The following MATN2 variants were observed in gnomAD, a reference collection of about 807,000 sequenced individuals.
MATN2 encodes the protein matrilin 2, also known as matrilin-2.
A neutral mutation model predicts 103.2 loss-of-function variants in MATN2; 69 were observed. That is an observed-to-expected ratio of 0.67 (90% CI 0.55 to 0.82). MATN2 has a LOEUF of 0.82. MATN2 is among the 40% of genes least tolerant of loss of function. MATN2 has a pLI of 0.00. For synonymous variants in MATN2, 429 were observed against 450.2 expected (o/e 0.95, Z 0.60); for missense variants, 1,023 against 1,211.5 (o/e 0.84, Z 2.31).
intron 1 of MATN2, among the ~76,000 whole-genome samples, chr8:97,874,050 G>C (rs1326242411): frequency 6.6e-6 from 1 of 152,156 alleles, no homozygotes; most frequent in Non-Finnish European, 1.5e-5. Flanking sequence ...CTCATGTCCA[G>C]AGCAAGATCT....
At chr8:97,959,024 T>A (rs1398548368) in intron 4 of MATN2, among the ~76,000 whole-genome samples, 1 of 152,182 alleles carries the variant, frequency 6.6e-6, no homozygotes, top group African/African-American at 2.4e-5. Flanking sequence ...TGCCAGCCTT[T>A]CCCAGTCCTT....
chr8:97,980,742 A>G (rs1811993504), intron 6 of MATN2, among the ~76,000 whole-genome samples: 1 of 151,018 alleles, frequency 6.6e-6, no homozygotes, highest in Non-Finnish European at 1.5e-5. Context: ...TTTTTTTGGT[A>G]TTTTTTGATA....
chr8:98,004,950 G>T (rs182079672), intron 8 of MATN2, among the ~76,000 whole-genome samples: 1 of 152,242 alleles, frequency 6.6e-6, no homozygotes, highest in Admixed American at 6.5e-5. Flanking sequence ...CTTGGCATGC[G>T]GGAGAGGGGG....
intron 6 of MATN2, among the ~76,000 whole-genome samples, chr8:97,979,797 T>C (rs549345055): frequency 6.6e-6 from 1 of 152,262 alleles, no homozygotes; most frequent in East Asian, 1.9e-4. Context: ...CTCAGAGACA[T>C]GCATCAGTGA....
Position 97,989,910 on chromosome 8 carries a change from G to A in MATN2, c.1082-4570G>A, listed in dbSNP as rs142135028. On this transcript the variant is annotated intron_variant, in intron 6 of 18. Transcript: ENST00000254898. ...AAAAATACCTTTTCAGGCTGGGCAC[G>A]GTGGCTCATGCTTGTAATCCCAGCA... is the stretch of plus-strand genomic sequence containing the variant. Among the ~76,000 whole-genome samples, 147 of 152,194 alleles carry A rather than the reference G, an allele frequency of 9.7e-4. 1 individual carries two copies. Among genetic ancestry groups the A allele is most frequent in the African/African-American group, 3.2e-3 (131 of 41,524 alleles).
intron 3 of MATN2, among the ~76,000 whole-genome samples, chr8:97,936,586 A>G (rs1185900138): frequency 2.6e-5 from 4 of 152,222 alleles, no homozygotes; most frequent in Non-Finnish European, 4.4e-5. Flanking sequence ...CAATCATTAA[A>G]AAAAGGACTG....
intron 2 of MATN2, among the ~76,000 whole-genome samples, chr8:97,895,958 A>G (rs1230998543): frequency 1.3e-5 from 2 of 152,204 alleles, no homozygotes; most frequent in Non-Finnish European, 2.9e-5. Flanking sequence ...GTTGGAGCAA[A>G]GAGAAAGACA....
At chr8:97,908,046 G>C (rs1054929394) in intron 2 of MATN2, among the ~76,000 whole-genome samples, 8 of 152,088 alleles carry the variant, frequency 5.3e-5, no homozygotes. Flanking sequence ...GGTGCCTTGT[G>C]GTAAAAGATG....
intron 2 of MATN2, among the ~76,000 whole-genome samples, chr8:97,891,468 G>A (rs1253066722): frequency 1.3e-5 from 2 of 152,060 alleles, no homozygotes; most frequent in African/African-American, 4.8e-5. Flanking sequence ...ATCTCAAGTA[G>A]CTGAGACTAC....
At chr8:98,016,950 G>A (rs909573646) in intron 11 of MATN2, among the ~76,000 whole-genome samples, 1 of 152,216 alleles carries the variant, frequency 6.6e-6, no homozygotes, top group Non-Finnish European at 1.5e-5. Flanking sequence ...AAAACTAGGT[G>A]TGGGGTATAT....
chr8:98,033,758 C>G (rs770161809), intron 18 of MATN2, 99 bp downstream of exon 18: 1 of 821,340 alleles, frequency 1.2e-6, no homozygotes, highest in Admixed American at 2.5e-5. Flanking sequence ...GTAAATCCCA[C>G]GAAGTCACAA....
At chr8:97,887,974 T>G in intron 1 of MATN2, 101 bp from the exon 2 acceptor site, 2 of 1,153,986 alleles carry the variant, frequency 1.7e-6, no homozygotes, top group Non-Finnish European at 2.4e-6. Context: ...AAGTGGTCTG[T>G]TTGAACTCTG....
chr8:98,012,337 G>A (rs1813198334), intron 10 of MATN2, among the ~76,000 whole-genome samples: 1 of 152,194 alleles, frequency 6.6e-6, no homozygotes, highest in Non-Finnish European at 1.5e-5. Context: ...GTGGTGATGT[G>A]AGAAGGATGG....
chr8:97,941,913 G>T lies in MATN2; in HGVS notation c.835+14G>T. On this transcript the variant is annotated intron_variant, in intron 4 of 18. Coordinates refer to ENST00000254898, the MANE Select transcript of MATN2 (RefSeq NM_002380.5). ...CGACTTGCAGAAGTAAGATTGCTTT[G>T]CTGATGTATTTGTGGTTTCTTCCTA... The T allele has an allele frequency of 6.2e-7, 1 of 1,611,652 alleles. No individual in the cohort carries two copies. Among genetic ancestry groups the T allele is most frequent in the Non-Finnish European group, 8.5e-7 (1 of 1,178,398 alleles).
Position 98,033,558 on chromosome 8 carries a change from C to T in MATN2, c.2717-3C>T. On this transcript the variant is annotated splice_region_variant and splice_polypyrimidine_tract_variant and intron_variant, in intron 17 of 18. Coordinates refer to ENST00000254898, the MANE Select transcript of MATN2 (RefSeq NM_002380.5). Reference sequence around the variant, plus strand: ...GGTGAACACTTTCCATCTGCTTTCTCAGGAAGCCCTTTGGAAGAAAAACAC... The same window carrying T: ...GGTGAACACTTTCCATCTGCTTTCTTAGGAAGCCCTTTGGAAGAAAAACAC... 1 of 1,563,978 alleles carries T rather than the reference C, an allele frequency of 6.4e-7. No homozygotes were observed. The highest frequency in any genetic ancestry group is 8.7e-7 in the Non-Finnish European group (1 of 1,149,736).
chr8:97,908,673 C>T (rs1819261253), intron 2 of MATN2, among the ~76,000 whole-genome samples: 1 of 152,096 alleles, frequency 6.6e-6, no homozygotes, highest in Non-Finnish European at 1.5e-5. Context: ...ACTTTGCCAC[C>T]CAGACTGGAG....
At chr8:97,928,061 G>C (rs989602459) in intron 2 of MATN2, among the ~76,000 whole-genome samples, 1 of 152,106 alleles carries the variant, frequency 6.6e-6, no homozygotes, top group Non-Finnish European at 1.5e-5. Context: ...ATGAAGGGTC[G>C]GGCAGGTGTG....
intron 1 of MATN2, among the ~76,000 whole-genome samples, chr8:97,884,255 C>T (rs367983935): frequency 2.5e-4 from 38 of 151,814 alleles, no homozygotes; most frequent in African/African-American, 9.2e-4. Flanking sequence ...ATTCTCCTGC[C>T]TCAGCCTTCC....
intron 6 of MATN2, among the ~76,000 whole-genome samples, chr8:97,989,263 A>G (rs1812307262): frequency 6.6e-6 from 1 of 152,114 alleles, no homozygotes; most frequent in Non-Finnish European, 1.5e-5. Flanking sequence ...AGGTCAGGAG[A>G]TTGAGACCAT....
Sources: allele counts gnomAD v4.1 joint callset (sites outside exome capture counted in the v4.1 genomes callset), GRCh38; gene constraint gnomAD v4.1.1; transcripts MANE v1.5; gene names NCBI Gene and HGNC (gene_info 2026-07-23, HGNC 2026-07-21).